The following INPP5D variants were observed in gnomAD, a reference collection of about 807,000 sequenced individuals.
INPP5D encodes phosphatidylinositol 3,4,5-trisphosphate 5-phosphatase 1.
Under a neutral mutation model 122.9 loss-of-function variants are expected in INPP5D, and 33 were observed. The observed-to-expected ratio is 0.27, with a 90% CI of 0.20 to 0.36. The LOEUF (loss-of-function observed/expected upper bound fraction) is 0.36, where lower values mean the gene tolerates loss of function less well. Among genes scored for constraint, INPP5D ranks in the 10% least tolerant of loss-of-function variants. INPP5D has a pLI of 1.00. For missense variants in INPP5D, 1,053 were observed against 1,412.7 expected (o/e 0.75, Z 4.08); for synonymous variants, 584 against 576.2 (o/e 1.01, Z -0.19).
chr2:233,168,176 C>A (rs185108046), intron 13 of INPP5D, among the ~76,000 whole-genome samples: 5 of 152,078 alleles, frequency 3.3e-5, no homozygotes, highest in Non-Finnish European at 5.9e-5. Context: ...AAATTAATTT[C>A]AATAATAGAT....
rs542780444 is a variant in INPP5D, at chr2:233,090,629, A to G, written c.198+11231A>G. Among the ~76,000 whole-genome samples the G allele has an allele frequency of 3.9e-4, 60 of 152,294 alleles. 2 individuals are homozygous for G. The South Asian group carries it at 0.012, about 31-fold the overall frequency. On this transcript the variant is annotated intron_variant, in intron 2 of 26. Transcript: ENST00000445964. Reference sequence around the variant, plus strand: ...ACATGAGAACATAGTCCCAGCCTTTAAAGAGAGAAAACGGACATTCCAACA... The same window carrying G: ...ACATGAGAACATAGTCCCAGCCTTTGAAGAGAGAAAACGGACATTCCAACA...
At chr2:233,176,651 ATGG>A in intron 17 of INPP5D, among the ~76,000 whole-genome samples, 1 of 120,930 alleles carries the variant, frequency 8.3e-6, no homozygotes, top group African/African-American at 3.2e-5. Flanking sequence ...CGGTGGGTGG[ATGG>A]ATGGGTGGGT....
intron 18 of INPP5D, among the ~76,000 whole-genome samples, chr2:233,178,481 T>C (rs1694702430): frequency 6.6e-6 from 1 of 151,276 alleles, no homozygotes; most frequent in South Asian, 2.1e-4. Flanking sequence ...TTTATTTATT[T>C]ATTTATTTAT....
chr2:233,131,512 CATGGTGA>C (rs1693325278), intron 5 of INPP5D, among the ~76,000 whole-genome samples: 1 of 148,986 alleles, frequency 6.7e-6, no homozygotes, highest in Admixed American at 6.8e-5. Context: ...GCCTGGCCAA[CATGGTGA>C]AATCCTGTCT....
intron 6 of INPP5D, chr2:233,145,141 C>A: frequency 2.3e-6 from 1 of 440,874 alleles, no homozygotes; most frequent in South Asian, 1.6e-5. Context: ...CTCTACATTT[C>A]CACACCTGGC....
intron 25 of INPP5D, among the ~76,000 whole-genome samples, chr2:233,203,868 G>GC (rs1695404737): frequency 6.6e-6 from 1 of 152,146 alleles, no homozygotes; most frequent in Non-Finnish European, 1.5e-5. Flanking sequence ...GACTGCTTGA[G>GC]CCCAAGAGGT....
Position 233,197,204 on chromosome 2 carries a change from C to T in INPP5D, c.2694-891C>T, listed in dbSNP as rs1291453032. Among the ~76,000 whole-genome samples the T allele has an allele frequency of 2.0e-5, 3 of 152,168 alleles. No individual in the cohort carries two copies. The highest frequency in any genetic ancestry group is 4.4e-5 in the Non-Finnish European group (3 of 68,020). On this transcript the variant is annotated intron_variant, in intron 24 of 26. Transcript: ENST00000445964. The surrounding 1 kb of genome is among the most constrained non-coding windows in gnomAD (Gnocchi z 4.4). ...GCTCAGAACTCAGTTCTCAGGAGGC[C>T]GGTGCCTGACACAGTGGCAGCGTGC...
chr2:233,145,718 A>G (rs569529951), intron 6 of INPP5D, among the ~76,000 whole-genome samples: 1 of 152,126 alleles, frequency 6.6e-6, no homozygotes, highest in Non-Finnish European at 1.5e-5. Context: ...TGCATCATAT[A>G]GGACCTCGGA....
At chr2:233,186,365 A>G (rs191105837) in intron 21 of INPP5D, among the ~76,000 whole-genome samples, 10 of 152,280 alleles carry the variant, frequency 6.6e-5, no homozygotes, top group Non-Finnish European at 1.2e-4. Context: ...AAAGAGGCAT[A>G]GAGAGGGGTC....
intron 13 of INPP5D, among the ~76,000 whole-genome samples, chr2:233,165,326 A>G (rs1694300105): frequency 6.6e-6 from 1 of 150,516 alleles, no homozygotes; most frequent in Non-Finnish European, 1.5e-5. Flanking sequence ...TCCGTGTATG[A>G]GTGTACCACC....
intron 13 of INPP5D, among the ~76,000 whole-genome samples, chr2:233,168,525 C>T (rs769728345): frequency 1.4e-4 from 22 of 152,266 alleles, no homozygotes; most frequent in Non-Finnish European, 2.4e-4. Context: ...CCATCGTAGT[C>T]TGAAAGCAGC....
chr2:233,116,248 G>GATAAATAGATAGATAGATAGAT (rs138434323), intron 2 of INPP5D, among the ~76,000 whole-genome samples: 1 of 135,194 alleles, frequency 7.4e-6, no homozygotes, highest in African/African-American at 3.1e-5. Context: ...TAGATAGATA[G>GATAAATAGATAGATAGATAGAT]ATAGATATAG....
intron 24 of INPP5D, among the ~76,000 whole-genome samples, chr2:233,195,780 G>A (rs959513030): frequency 1.3e-5 from 2 of 152,058 alleles, no homozygotes; most frequent in Admixed American, 1.3e-4. Context: ...CAGGCTGGCC[G>A]ACATGGTAAA....
intron 1 of INPP5D, among the ~76,000 whole-genome samples, chr2:233,064,402 C>T (rs1031809347): frequency 1.3e-5 from 2 of 152,354 alleles, no homozygotes; most frequent in South Asian, 4.1e-4. Flanking sequence ...TTACCCCTTC[C>T]CAGGGGCAGT....
chr2:233,198,614 G>C (rs1436340604), intron 25 of INPP5D, among the ~76,000 whole-genome samples: 1 of 152,224 alleles, frequency 6.6e-6, no homozygotes, highest in Non-Finnish European at 1.5e-5. Context: ...TAAAGATATT[G>C]CCAAGAAAAG....
chr2:233,189,943 G>A lies in INPP5D; in HGVS notation c.2446+6G>A, dbSNP rs775800053. On this transcript the variant is annotated splice_donor_region_variant and intron_variant, in intron 22 of 26. Coordinates refer to ENST00000445964, the MANE Select transcript of INPP5D (RefSeq NM_001017915.3). The surrounding 1 kb of genome is among the most constrained non-coding windows in gnomAD (Gnocchi z 5.6). ...TGACAGCGACGAATCCTATGGTAAG[G>A]GTCTGTGGGCAGGTGCCACACCTGC... 3.7e-6 allele frequency: 6 copies of A among 1,612,970 alleles called. No individual in the cohort carries two copies. The Admixed American group carries it at 1.0e-4, about 27-fold the overall frequency.
chr2:233,124,116 T>G (rs561279225), intron 3 of INPP5D, among the ~76,000 whole-genome samples: 15 of 150,856 alleles, frequency 9.9e-5, no homozygotes, highest in African/African-American at 3.5e-4. Flanking sequence ...AATACAAGTT[T>G]TTTTTTTTTT....
chr2:233,068,463 C>T lies in INPP5D; in HGVS notation c.134+7851C>T, dbSNP rs545134801. Among the ~76,000 whole-genome samples, 88 of 151,852 alleles carry T rather than the reference C, an allele frequency of 5.8e-4. 1 individual carries two copies. Among genetic ancestry groups the T allele is most frequent in the African/African-American group, 1.9e-3 (79 of 41,364 alleles). ...CGAAAAATTTAGCTGGGCATGGTGG[C>T]GGGTGCCTGTAATCCCAGCTACTTG... On this transcript the variant is annotated intron_variant, in intron 1 of 26. Coordinates refer to ENST00000445964, the MANE Select transcript of INPP5D (RefSeq NM_001017915.3).
intron 2 of INPP5D, among the ~76,000 whole-genome samples, chr2:233,103,551 G>T: frequency 6.6e-6 from 1 of 152,106 alleles, no homozygotes; most frequent in East Asian, 1.9e-4. Context: ...CAGAGTCCAG[G>T]AGCGTAGAAC....
Sources: gnomAD v4.1 joint callset for allele counts (sites outside exome capture counted in the v4.1 genomes callset) on GRCh38, gnomAD v4.1.1 for gene constraint, Gnocchi (gnomAD v3.1) non-coding constraint, MANE v1.5 for transcripts, NCBI Gene and HGNC (gene_info 2026-07-23, HGNC 2026-07-21) for gene names.